The following ATRX variants were observed in gnomAD, a reference collection of about 807,000 sequenced individuals.
The protein encoded by ATRX is ATRX chromatin remodeler.
Under a neutral mutation model 172.6 loss-of-function variants are expected in ATRX, and 12 were observed. The ratio of observed to expected loss-of-function variants is 0.07; its 90% CI spans 0.04 to 0.11. The LOEUF is 0.11. Among genes scored for constraint, ATRX ranks in the 10% least tolerant of loss-of-function variants. The pLI, the probability that ATRX is intolerant of heterozygous loss-of-function variation, is 1.00. For missense variants in ATRX, 1,368 were observed against 1,767.4 expected, an observed-to-expected ratio of 0.77 and a Z score of 4.05; for synonymous variants, 674 against 594.7, an observed-to-expected ratio of 1.13 and a Z score of -1.94.
At position 77,549,215 on chromosome X, in the gene ATRX, T is replaced by C. The variant is rs1439496815; in HGVS notation, c.6699+8236A>G. On this transcript the variant is annotated intron_variant, in intron 30 of 34. Transcript: ENST00000373344. ...GCCTGGCCAACATGGAGAAAGCCCATCTCTATGAAAAATACAAAAATTAGC... is the reference window on the plus strand; with the variant it reads ...GCCTGGCCAACATGGAGAAAGCCCACCTCTATGAAAAATACAAAAATTAGC... 6.3e-5 allele frequency among the ~76,000 whole-genome samples: 7 copies of C among 110,950 alleles called. 1 individual carries two copies. Among genetic ancestry groups the C allele is most frequent in the Admixed American group, 3.9e-4 (4 of 10,326 alleles).
intron 30 of ATRX, among the ~76,000 whole-genome samples, chrX:77,546,365 T>C (rs1247491403): frequency 8.9e-6 from 1 of 111,741 alleles, no homozygotes; most frequent in African/African-American, 3.3e-5. Context: ...AGCTGATAAC[T>C]ATTGTAAAGG....
At chrX:77,546,506 T>C (rs1405634239) in intron 30 of ATRX, among the ~76,000 whole-genome samples, 1 of 110,698 alleles carries the variant, frequency 9.0e-6, no homozygotes, top group Non-Finnish European at 1.9e-5. Flanking sequence ...CATTTTTTTT[T>C]TTTTGAGACA....
At chrX:77,613,169 A>G (rs1484730065) in intron 22 of ATRX, among the ~76,000 whole-genome samples, 1 of 111,104 alleles carries the variant, frequency 9.0e-6, no homozygotes, top group Non-Finnish European at 1.9e-5. Context: ...AGTTACTACA[A>G]TGTTTTTCCA....
chrX:77,552,912 A>G (rs1047338000), intron 30 of ATRX, among the ~76,000 whole-genome samples: 2 of 111,462 alleles, frequency 1.8e-5, no homozygotes, highest in African/African-American at 6.5e-5. Flanking sequence ...AGACAAAAAA[A>G]CCTCATAAAA....
chrX:77,600,968 G>A (rs1412418673), intron 22 of ATRX, among the ~76,000 whole-genome samples: 1 of 111,425 alleles, frequency 9.0e-6, no homozygotes, highest in Non-Finnish European at 1.9e-5. Flanking sequence ...ACTATAGATT[G>A]TTGCCTCTAT....
At chrX:77,728,799 G>A (rs1439710596) in intron 1 of ATRX, among the ~76,000 whole-genome samples, 5 of 97,114 alleles carry the variant, frequency 5.1e-5, no homozygotes, top group Non-Finnish European at 1.0e-4. Flanking sequence ...TTGCTCTGTC[G>A]CCCAGGCTGG....
rs782231310 is a variant in ATRX, at chrX:77,761,667, C to A, written c.20+24315G>T. Among the ~76,000 whole-genome samples, 37 of 111,433 alleles carry A rather than the reference C, an allele frequency of 3.3e-4. No individual in the cohort carries two copies. The South Asian group carries it at 0.013, about 40-fold the overall frequency. On this transcript the variant is annotated intron_variant, in intron 1 of 34. Transcript: ENST00000373344. ...TCTTTTTCTGTGTGTGCTGAAAACA[C>A]CTGAAATCTACTCTTTTAACAACTT...
chrX:77,715,628 A>C (rs1557164196), intron 2 of ATRX, among the ~76,000 whole-genome samples: 1 of 111,745 alleles, frequency 8.9e-6, no homozygotes, highest in African/African-American at 3.3e-5. Flanking sequence ...TCCTCTGGCT[A>C]CTTAAGATAT....
intron 34 of ATRX, among the ~76,000 whole-genome samples, chrX:77,509,910 G>GT (rs1569513302): frequency 2.0e-5 from 1 of 50,978 alleles, no homozygotes; most frequent in African/African-American, 6.1e-5. Context: ...TGGACGGGGG[G>GT]CGGGGGGGGG....
chrX:77,591,955 A>C (rs1339488380), intron 26 of ATRX, among the ~76,000 whole-genome samples: 3 of 111,991 alleles, frequency 2.7e-5, no homozygotes, highest in Non-Finnish European at 5.6e-5. Context: ...TACAGTAGAA[A>C]AGGAAAAAAG....
intron 1 of ATRX, among the ~76,000 whole-genome samples, chrX:77,735,321 G>A (rs2074492965): frequency 9.0e-6 from 1 of 111,535 alleles, no homozygotes; most frequent in Non-Finnish European, 1.9e-5. Flanking sequence ...AATTAGCCTG[G>A]CGCAATGACT....
intron 30 of ATRX, among the ~76,000 whole-genome samples, chrX:77,532,084 G>C (rs2063595115): frequency 9.0e-6 from 1 of 111,265 alleles, no homozygotes; most frequent in African/African-American, 3.3e-5. Context: ...AGGGGGAAGT[G>C]AAGGACCTCT....
chrX:77,622,617 A>G (rs2067642269), intron 19 of ATRX, among the ~76,000 whole-genome samples: 1 of 111,424 alleles, frequency 9.0e-6, no homozygotes, highest in Admixed American at 9.5e-5. Context: ...ATGGGGCAAG[A>G]AGCCTCCTGG....
chrX:77,548,453 T>C (rs1032459164), intron 30 of ATRX, among the ~76,000 whole-genome samples: 1 of 111,756 alleles, frequency 8.9e-6, no homozygotes, highest in African/African-American at 3.2e-5. Flanking sequence ...CATCAAACCT[T>C]ATATATGCTT....
chrX:77,554,501 C>A (rs905797056), intron 30 of ATRX, among the ~76,000 whole-genome samples: 1 of 110,966 alleles, frequency 9.0e-6, no homozygotes, highest in African/African-American at 3.3e-5. Context: ...AAGCGCAATG[C>A]CTCCATTTGC....
chrX:77,730,516 T>C (rs2074252294), intron 1 of ATRX, among the ~76,000 whole-genome samples: 1 of 111,841 alleles, frequency 8.9e-6, no homozygotes, highest in Admixed American at 9.5e-5. Flanking sequence ...GAAAAATTCA[T>C]CCAAGGGCTG....
At chrX:77,612,763 C>T (rs901881156) in intron 22 of ATRX, among the ~76,000 whole-genome samples, 24 of 110,884 alleles carry the variant, frequency 2.2e-4, no homozygotes, top group Admixed American at 1.4e-3. Flanking sequence ...TCCCTTCGTC[C>T]CCCAGAACCT....
intron 19 of ATRX, among the ~76,000 whole-genome samples, chrX:77,623,227 T>C (rs1390411261): frequency 9.0e-6 from 1 of 111,098 alleles, no homozygotes; most frequent in Admixed American, 9.5e-5. Context: ...AAACAGGAGA[T>C]AGTACAACTG....
chrX:77,547,089 AG>A (rs35194548), intron 30 of ATRX, among the ~76,000 whole-genome samples: 4,134 of 111,869 alleles, frequency 0.037, 76 homozygotes, highest in East Asian at 0.086. Flanking sequence ...AAAGTAAAAA[AG>A]CTTACCATTT....
Sources: allele counts gnomAD v4.1 joint callset (sites outside exome capture counted in the v4.1 genomes callset), GRCh38; gene constraint gnomAD v4.1.1; transcripts MANE v1.5; gene names NCBI Gene and HGNC (gene_info 2026-07-23, HGNC 2026-07-21).